Variants in ASIC2 observed in about 807,000 individuals in gnomAD.
ASIC2 encodes the protein acid-sensing ion channel 2.
Under a neutral mutation model 57.3 loss-of-function variants are expected in ASIC2, and 25 were observed. The ratio of observed to expected loss-of-function variants is 0.44; its 90% CI spans 0.32 to 0.61. The LOEUF (loss-of-function observed/expected upper bound fraction) is 0.61, where lower values mean the gene tolerates loss of function less well. Ranked by LOEUF, ASIC2 falls within the 20% of genes least tolerant of loss-of-function variation. The probability of loss-of-function intolerance (pLI) is 0.06; values close to 1 mark genes in which losing one functional copy is unlikely to be tolerated. For missense variants in ASIC2, 641 were observed against 738.1 expected, an observed-to-expected ratio of 0.87 and a Z score of 1.52; for synonymous variants, 319 against 307.5, an observed-to-expected ratio of 1.04 and a Z score of -0.39.
rs1911986718 is a variant in ASIC2, at chr17:33,798,494, G to A, written c.555+357484C>T. 2.0e-5 allele frequency among the ~76,000 whole-genome samples: 3 copies of A among 152,216 alleles called. No individual in the cohort carries two copies. In the South Asian group the frequency reaches 6.2e-4, roughly 32 times the overall value. On this transcript the variant is annotated intron_variant, in intron 1 of 9. Coordinates refer to the ASIC2 transcript ENST00000359872. ...CCAAAGCACAGATCAAAGCCATCAA[G>A]CGAATGAGACTGTTCATCCAATTAG...
chr17:33,729,165 T>C (rs1022200857), intron 1 of ASIC2, among the ~76,000 whole-genome samples: 1 of 152,178 alleles, frequency 6.6e-6, no homozygotes, highest in East Asian at 1.9e-4. Flanking sequence ...GGTGCCAGCG[T>C]CTGCTTCTAG....
At chr17:33,414,026 T>C (rs1415534615) in intron 1 of ASIC2, among the ~76,000 whole-genome samples, 1 of 152,174 alleles carries the variant, frequency 6.6e-6, no homozygotes, top group Non-Finnish European at 1.5e-5. Context: ...CTCCCAGACA[T>C]GGGCCCTGAG....
rs76195081 is a variant in ASIC2, at chr17:33,965,121, C to T, written c.555+190857G>A. ...ATGAGAAAGAGGAAAGGAAGGGAGA[C>T]GGCTCTTATTGAATGCCTATCATAT... On this transcript the variant is annotated intron_variant, in intron 1 of 9. Coordinates refer to the ASIC2 transcript ENST00000359872. Among the ~76,000 whole-genome samples, 514 of 152,228 alleles carry T rather than the reference C, an allele frequency of 3.4e-3. 2 individuals are homozygous for T. The highest frequency in any genetic ancestry group is 0.012 in the African/African-American group (493 of 41,536).
At chr17:33,485,830 C>T (rs184513029) in intron 1 of ASIC2, among the ~76,000 whole-genome samples, 80 of 152,316 alleles carry the variant, frequency 5.3e-4, no homozygotes, top group Non-Finnish European at 9.6e-4. Flanking sequence ...TATAGTGGTG[C>T]ACCCCAGTCC....
At chr17:33,698,504 C>A (rs1446640642) in intron 1 of ASIC2, among the ~76,000 whole-genome samples, 2 of 152,046 alleles carry the variant, frequency 1.3e-5, no homozygotes, top group African/African-American at 2.4e-5. Context: ...CAGTTTCATC[C>A]CAGGCCACCC....
At chr17:33,538,091 G>GCAT (rs1915292722) in intron 1 of ASIC2, among the ~76,000 whole-genome samples, 1 of 152,162 alleles carries the variant, frequency 6.6e-6, no homozygotes, top group African/African-American at 2.4e-5. Flanking sequence ...AAAATGCTTG[G>GCAT]CATGCAGTAA....
chr17:33,606,757 T>C (rs1201785992), intron 1 of ASIC2, among the ~76,000 whole-genome samples: 2 of 152,134 alleles, frequency 1.3e-5, no homozygotes, highest in Non-Finnish European at 2.9e-5. Context: ...TCAAATCCTG[T>C]AGTACATGTT....
chr17:33,312,751 A>G (rs1363769965), intron 1 of ASIC2, among the ~76,000 whole-genome samples: 1 of 152,204 alleles, frequency 6.6e-6, no homozygotes, highest in Admixed American at 6.5e-5. Flanking sequence ...CCTGACCAAC[A>G]TGGAGAAACC....
chr17:33,535,254 T>A (rs1290485385), intron 1 of ASIC2, among the ~76,000 whole-genome samples: 1 of 150,506 alleles, frequency 6.6e-6, no homozygotes, highest in Non-Finnish European at 1.5e-5. Context: ...ATGGATATGG[T>A]GGGAATAAAA....
chr17:34,064,891 G>A (rs112717663), intron 1 of ASIC2, among the ~76,000 whole-genome samples: 24 of 152,182 alleles, frequency 1.6e-4, no homozygotes, highest in Admixed American at 4.6e-4. Flanking sequence ...AGATGTTAGC[G>A]TGGATGCAGT....
chr17:33,291,809 A>C lies in ASIC2; in HGVS notation c.307T>G (p.Trp103Gly). ...CAGTAGAGCAAGCGGTTCGAGGACCAGGACAGCAGCAAGCCGAAGGATGTA... is the reference window on the plus strand; with the variant it reads ...CAGTAGAGCAAGCGGTTCGAGGACCCGGACAGCAGCAAGCCGAAGGATGTA... The part of the protein sequence containing the change: ...FCTSFGLLLS[W>G]SSNRLLYWLS... Residue 103 changes from tryptophan (W) to glycine (G), a missense_variant, in exon 1 of 10, where the codon TGG (tryptophan) becomes GGG (glycine). Trp to Gly is a radical substitution (Grantham distance 184). Transcript: ENST00000225823. The C allele has an allele frequency of 6.2e-7, 1 of 1,613,328 alleles. No homozygotes were observed. The highest frequency in any genetic ancestry group is 8.5e-7 in the Non-Finnish European group (1 of 1,179,842).
At chr17:33,527,569 T>C (rs1914922389) in intron 1 of ASIC2, among the ~76,000 whole-genome samples, 1 of 152,042 alleles carries the variant, frequency 6.6e-6, no homozygotes, top group South Asian at 2.1e-4. Flanking sequence ...AAATCATACT[T>C]GGAAAAACTG....
intron 3 of ASIC2, among the ~76,000 whole-genome samples, chr17:33,064,582 G>C (rs566395288): frequency 7.2e-5 from 11 of 152,342 alleles, no homozygotes; most frequent in East Asian, 5.8e-4. Flanking sequence ...ACCTGGCCGT[G>C]TGAGGTGTCA....
intron 1 of ASIC2, among the ~76,000 whole-genome samples, chr17:34,026,004 G>A (rs1162254425): frequency 6.6e-6 from 1 of 152,196 alleles, no homozygotes; most frequent in Non-Finnish European, 1.5e-5. Flanking sequence ...AATGGGTATG[G>A]TGGGTTTAAT....
At chr17:33,043,656 T>C (rs1017966756) in intron 3 of ASIC2, among the ~76,000 whole-genome samples, 4 of 152,216 alleles carry the variant, frequency 2.6e-5, no homozygotes, top group Non-Finnish European at 5.9e-5. Flanking sequence ...TTGCTAAATA[T>C]TCACAGAGAA....
intron 1 of ASIC2, among the ~76,000 whole-genome samples, chr17:33,487,912 T>G (rs1321419479): frequency 2.0e-5 from 3 of 152,202 alleles, no homozygotes; most frequent in African/African-American, 7.2e-5. Flanking sequence ...AAGGATGCAC[T>G]GTTGGCTCCC....
intron 1 of ASIC2, among the ~76,000 whole-genome samples, chr17:33,653,254 T>A (rs1906977998): frequency 6.6e-6 from 1 of 152,210 alleles, no homozygotes; most frequent in Non-Finnish European, 1.5e-5. Flanking sequence ...TTTAGATTTC[T>A]GCTCTGACAC....
chr17:33,123,734 G>A (rs7223306), intron 1 of ASIC2, among the ~76,000 whole-genome samples: 56,444 of 152,010 alleles, frequency 0.37, 10,909 homozygotes, highest in Non-Finnish European at 0.41. Flanking sequence ...GCTTGGGTGG[G>A]CTAATTCCTA....
intron 1 of ASIC2, among the ~76,000 whole-genome samples, chr17:34,099,806 A>AG: frequency 6.7e-6 from 1 of 148,602 alleles, no homozygotes; most frequent in East Asian, 2.0e-4. Context: ...AAGAAAGAAA[A>AG]GAGAATCTCA....
Sources: gnomAD v4.1 joint callset for allele counts (sites outside exome capture counted in the v4.1 genomes callset) on GRCh38, gnomAD v4.1.1 for gene constraint, MANE v1.5 for transcripts, NCBI Gene and HGNC (gene_info 2026-07-23, HGNC 2026-07-21) for gene names.